IL1RAPL1: variants seen among roughly 807,000 people sequenced by gnomAD.
IL1RAPL1 encodes interleukin 1 receptor accessory protein like 1.
IL1RAPL1 carries 3 observed loss-of-function variants against 48.4 expected under a neutral mutation model. The observed-to-expected ratio is 0.06, with a 90% CI of 0.03 to 0.16. The LOEUF is 0.16. Ranked by LOEUF, IL1RAPL1 falls within the 10% of genes least tolerant of loss-of-function variation. IL1RAPL1 has a pLI of 1.00. For synonymous variants in IL1RAPL1, 185 were observed against 187.7 expected (o/e 0.99, Z 0.12); for missense variants, 349 against 530.6 (o/e 0.66, Z 3.36).
At chrX:29,368,606 T>C (rs749751335) in intron 3 of IL1RAPL1, among the ~76,000 whole-genome samples, 20 of 103,995 alleles carry the variant, frequency 1.9e-4, no homozygotes, top group Non-Finnish European at 3.6e-4. Flanking sequence ...TTTTTTTTTT[T>C]TTTGTAGAGA....
chrX:29,081,026 T>C (rs867678928), intron 2 of IL1RAPL1, among the ~76,000 whole-genome samples: 5 of 32,612 alleles, frequency 1.5e-4, no homozygotes, highest in Non-Finnish European at 2.3e-4. Context: ...CTCTCTTTCT[T>C]TTCTTTTCTT....
chrX:28,653,860 A>G (rs1934716815), intron 1 of IL1RAPL1, among the ~76,000 whole-genome samples: 1 of 111,902 alleles, frequency 8.9e-6, no homozygotes, highest in African/African-American at 3.3e-5. Flanking sequence ...TTATTTTGTA[A>G]TTAGATCTCT....
intron 6 of IL1RAPL1, among the ~76,000 whole-genome samples, chrX:29,691,750 CA>C (rs761236508): frequency 1.3e-3 from 23 of 17,667 alleles, no homozygotes; most frequent in South Asian, 0.013. Flanking sequence ...GACTCCGTCT[CA>C]AAAAAAAAAA....
intron 5 of IL1RAPL1, among the ~76,000 whole-genome samples, chrX:29,661,324 C>G (rs995025476): frequency 8.9e-6 from 1 of 111,855 alleles, no homozygotes; most frequent in African/African-American, 3.2e-5. Context: ...TTTCTATTGC[C>G]TAATTGTTTT....
At chrX:28,722,928 C>T (rs918092871) in intron 1 of IL1RAPL1, among the ~76,000 whole-genome samples, 2 of 110,561 alleles carry the variant, frequency 1.8e-5, no homozygotes, top group African/African-American at 6.6e-5. Flanking sequence ...CAGCCTTGCA[C>T]CCCAGGGATG....
chrX:29,718,643 A>T, intron 6 of IL1RAPL1, among the ~76,000 whole-genome samples: 1 of 108,288 alleles, frequency 9.2e-6, no homozygotes, highest in South Asian at 4.1e-4. Flanking sequence ...TCAGCTGGAG[A>T]CATGCTTCAG....
chrX:29,259,711 T>C (rs189455740), intron 2 of IL1RAPL1, among the ~76,000 whole-genome samples: 2 of 111,991 alleles, frequency 1.8e-5, no homozygotes, highest in East Asian at 5.6e-4. Context: ...ATATTTAAGG[T>C]TGCCTACATT....
At chrX:28,841,161 T>G (rs1921360857) in intron 2 of IL1RAPL1, among the ~76,000 whole-genome samples, 2 of 111,131 alleles carry the variant, frequency 1.8e-5, no homozygotes, top group African/African-American at 6.5e-5. Context: ...TTTTTTATTT[T>G]AGCAAAGTAT....
At chrX:29,054,308 G>A (rs1387314439) in intron 2 of IL1RAPL1, among the ~76,000 whole-genome samples, 1 of 110,797 alleles carries the variant, frequency 9.0e-6, no homozygotes, top group Non-Finnish European at 1.9e-5. Flanking sequence ...TCTTCTCCAA[G>A]GTATTCATTT....
chrX:29,794,876 A>G (rs1356071848), intron 6 of IL1RAPL1, among the ~76,000 whole-genome samples: 1 of 112,093 alleles, frequency 8.9e-6, no homozygotes, highest in East Asian at 2.8e-4. Flanking sequence ...CATTTCATCA[A>G]CAAGTAATGA....
chrX:29,880,146 G>A (rs193004421), intron 6 of IL1RAPL1, among the ~76,000 whole-genome samples: 14 of 110,977 alleles, frequency 1.3e-4, no homozygotes, highest in Admixed American at 2.9e-4. Flanking sequence ...AAGATGGAAA[G>A]ATAGATACTA....
At chrX:29,497,563 T>C (rs1265157806) in intron 5 of IL1RAPL1, among the ~76,000 whole-genome samples, 1 of 111,556 alleles carries the variant, frequency 9.0e-6, no homozygotes, top group Non-Finnish European at 1.9e-5. Context: ...CTAACATTCA[T>C]GTAGCTGTTA....
chrX:29,869,493 C>T (rs1202452844), intron 6 of IL1RAPL1, among the ~76,000 whole-genome samples: 1 of 111,556 alleles, frequency 9.0e-6, no homozygotes, highest in Non-Finnish European at 1.9e-5. Flanking sequence ...CTGGGCCAAA[C>T]CTTGTGAACT....
At chrX:29,039,325 T>TA (rs1464334712) in intron 2 of IL1RAPL1, among the ~76,000 whole-genome samples, 2 of 111,721 alleles carry the variant, frequency 1.8e-5, no homozygotes, top group African/African-American at 6.5e-5. Flanking sequence ...CTGGAGTTCA[T>TA]AATAAATGCT....
At chrX:29,103,987 A>G (rs1168561749) in intron 2 of IL1RAPL1, among the ~76,000 whole-genome samples, 1 of 111,938 alleles carries the variant, frequency 8.9e-6, no homozygotes, top group Non-Finnish European at 1.9e-5. Context: ...GCTGGTTAGG[A>G]TGTGGGGAAA....
At chrX:28,637,098 A>G (rs931762334) in intron 1 of IL1RAPL1, among the ~76,000 whole-genome samples, 2 of 111,521 alleles carry the variant, frequency 1.8e-5, no homozygotes, top group Non-Finnish European at 3.8e-5. Context: ...GGTAGAATAC[A>G]GATAAGATAT....
intron 6 of IL1RAPL1, among the ~76,000 whole-genome samples, chrX:29,849,510 G>T (rs914797268): frequency 8.9e-6 from 1 of 112,059 alleles, no homozygotes; most frequent in Non-Finnish European, 1.9e-5. Flanking sequence ...GAAAAGTAAA[G>T]CCAGCTAACT....
chrX:29,391,500 G>A (rs1187953723), intron 3 of IL1RAPL1, among the ~76,000 whole-genome samples: 1 of 110,501 alleles, frequency 9.0e-6, no homozygotes, highest in Non-Finnish European at 1.9e-5. Flanking sequence ...AGTATTTCAG[G>A]TCATTTGCTC....
chrX:29,308,357 T>C (rs1220425442), intron 3 of IL1RAPL1, among the ~76,000 whole-genome samples: 1 of 111,667 alleles, frequency 9.0e-6, no homozygotes, highest in Non-Finnish European at 1.9e-5. Context: ...AGTGTGGCTC[T>C]CATTGGCCTC....
Sources: allele counts gnomAD v4.1 joint callset (sites outside exome capture counted in the v4.1 genomes callset), GRCh38; gene constraint gnomAD v4.1.1; transcripts MANE v1.5; gene names NCBI Gene and HGNC (gene_info 2026-07-23, HGNC 2026-07-21).